SNX14: variants seen among roughly 807,000 people sequenced by gnomAD.
SNX14 encodes sorting nexin-14.
In SNX14, 93 loss-of-function variants were observed where a neutral mutation model predicts 133.8. That is an observed-to-expected ratio of 0.70 (90% CI 0.59 to 0.83). SNX14 has a LOEUF of 0.83. SNX14 is among the 40% of genes least tolerant of loss of function. The pLI, the probability that SNX14 is intolerant of heterozygous loss-of-function variation, is 0.00. For synonymous variants in SNX14, 368 were observed against 365.6 expected, an observed-to-expected ratio of 1.01 and a Z score of -0.07; for missense variants, 945 against 1,094.9, an observed-to-expected ratio of 0.86 and a Z score of 1.93.
intron 16 of SNX14, among the ~76,000 whole-genome samples, chr6:85,538,078 T>C (rs1406759394): frequency 1.3e-5 from 2 of 152,156 alleles, no homozygotes; most frequent in African/African-American, 4.8e-5. Context: ...AAAAATTAAG[T>C]TATCTACTGA....
chr6:85,533,373 T>A (rs778138155), intron 18 of SNX14, among the ~76,000 whole-genome samples: 1 of 152,250 alleles, frequency 6.6e-6, no homozygotes, highest in Non-Finnish European at 1.5e-5. Context: ...GTCAGGTGTC[T>A]AGCAGGCATC....
intron 17 of SNX14, among the ~76,000 whole-genome samples, chr6:85,536,390 A>G (rs1298829665): frequency 6.6e-6 from 1 of 152,226 alleles, no homozygotes; most frequent in African/African-American, 2.4e-5. Flanking sequence ...CTGCTTGTCA[A>G]CAGACTGTAG....
chr6:85,525,863 A>G (rs1429631057), intron 21 of SNX14, among the ~76,000 whole-genome samples: 1 of 152,144 alleles, frequency 6.6e-6, no homozygotes, highest in Non-Finnish European at 1.5e-5. Flanking sequence ...TACTTTTCTT[A>G]TATTTAAATT....
intron 1 of SNX14, 52 bp downstream of exon 1, chr6:85,593,527 G>C: frequency 6.4e-7 from 1 of 1,567,226 alleles, no homozygotes; most frequent in Admixed American, 1.9e-5. Flanking sequence ...CGGGCCGGGC[G>C]TCTGCACCTT....
intron 21 of SNX14, among the ~76,000 whole-genome samples, chr6:85,523,448 A>G (rs1175198114): frequency 1.3e-5 from 2 of 152,192 alleles, no homozygotes; most frequent in Non-Finnish European, 2.9e-5. Flanking sequence ...GTTAGACACC[A>G]AATAGGAAAA....
At position 85,547,528 on chromosome 6, in the gene SNX14, A is replaced by G. The variant is rs1012034783; in HGVS notation, c.890T>C (p.Ile297Thr). Residue 297 changes from isoleucine (I) to threonine (T), a missense_variant, in exon 10 of 29, where the codon ATC becomes ACC. By Grantham distance (89) the Ile-to-Thr change is moderately conservative. Coordinates refer to ENST00000314673, the MANE Select transcript of SNX14 (RefSeq NM_153816.6). The part of the protein sequence containing the change: ...ADPDTVNHLL[I>T]IFIDDSPPEK... ...CACTGGACTGTCATCTATGAAGATG[A>G]TAAGCAAATGATTCACAGTATCCTA... 9 of 1,603,770 alleles carry G rather than the reference A, an allele frequency of 5.6e-6. No individual in the cohort carries two copies. Among genetic ancestry groups the G allele is most frequent in the Non-Finnish European group, 7.6e-6 (9 of 1,176,790 alleles).
chr6:85,508,762 C>T (rs547739901), intron 26 of SNX14, among the ~76,000 whole-genome samples: 1 of 152,150 alleles, frequency 6.6e-6, no homozygotes, highest in African/African-American at 2.4e-5. Context: ...CCACTGATAT[C>T]AATTCTGTTA....
intron 26 of SNX14, among the ~76,000 whole-genome samples, chr6:85,511,969 AG>A (rs149423761): frequency 0.018 from 2,743 of 152,230 alleles, 80 homozygotes; most frequent in African/African-American, 0.062. Flanking sequence ...TAGTCCTAGG[AG>A]GGGGTCTCAA....
chr6:85,585,982 C>A (rs537393775), intron 1 of SNX14, among the ~76,000 whole-genome samples: 1 of 148,296 alleles, frequency 6.7e-6, no homozygotes, highest in Non-Finnish European at 1.5e-5. Flanking sequence ...CACCACTCCC[C>A]GCAACAGGAA....
Position 85,548,318 on chromosome 6 carries a change from C to A in SNX14, c.850G>T (p.Asp284Tyr). The A allele has an allele frequency of 6.2e-7, 1 of 1,606,620 alleles. No homozygotes were observed. The highest frequency in any genetic ancestry group is 8.5e-7 in the Non-Finnish European group (1 of 1,177,616). Reference protein sequence around the residue: ...LSGSVFLPSLDFLADPDTVNH... With the variant: ...LSGSVFLPSLYFLADPDTVNH... ...AGTCTTACTGGATCAGCTAGGAAAT[C>A]CAAAGAAGGAAGGAACACAGAGCCA... The change falls in exon 9 of 29, where the codon GAT becomes TAT. Residue 284 changes from aspartate to tyrosine, a missense_variant. Physicochemically the swap from Asp to Tyr is radical, Grantham distance 160. This residue lies in a region of SNX14 where 514 missense variants were observed against 538.8 expected (regional missense o/e 0.95). Transcript: ENST00000314673.
chr6:85,563,447 A>G (rs979531754), intron 6 of SNX14, among the ~76,000 whole-genome samples: 2 of 152,176 alleles, frequency 1.3e-5, no homozygotes, highest in African/African-American at 2.4e-5. Context: ...GCTGGAATGC[A>G]ATGGCACGAT....
At position 85,558,021 on chromosome 6, in the gene SNX14, C is replaced by CT. The variant is rs776121716; in HGVS notation, c.588dup (p.Ala197SerfsTer11). 3 of 1,593,946 alleles carry CT rather than the reference C, an allele frequency of 1.9e-6. No homozygotes were observed. Among genetic ancestry groups the CT allele is most frequent in the Non-Finnish European group, 2.6e-6 (3 of 1,164,814 alleles). On this transcript the variant is annotated frameshift_variant, in exon 7 of 29. Transcript: ENST00000314673. LOFTEE classifies it high-confidence loss of function. Reference sequence around the variant, plus strand: ...ATCACTTCTATATGCTTCATTGCTGCTTTTAATAGTTTCTTGGTTATAATA... The same window carrying CT: ...ATCACTTCTATATGCTTCATTGCTGCTTTTTAATAGTTTCTTGGTTATAATA...
intron 5 of SNX14, among the ~76,000 whole-genome samples, chr6:85,567,115 A>T (rs901090528): frequency 3.3e-5 from 5 of 152,234 alleles, no homozygotes; most frequent in Admixed American, 2.0e-4. Context: ...AAAATTATTA[A>T]ATCACTACAT....
At chr6:85,517,351 T>G (rs940059063) in intron 23 of SNX14, among the ~76,000 whole-genome samples, 2 of 152,210 alleles carry the variant, frequency 1.3e-5, no homozygotes, top group Admixed American at 6.5e-5. Flanking sequence ...CACTCAATCG[T>G]AGGCATGTAA....
At chr6:85,563,184 A>G (rs1195198711) in intron 6 of SNX14, among the ~76,000 whole-genome samples, 1 of 151,942 alleles carries the variant, frequency 6.6e-6, no homozygotes, top group African/African-American at 2.4e-5. Context: ...TTCACTTCTC[A>G]GATAGGTATA....
At chr6:85,538,266 A>G (rs1193202886) in intron 16 of SNX14, among the ~76,000 whole-genome samples, 1 of 151,420 alleles carries the variant, frequency 6.6e-6, no homozygotes, top group African/African-American at 2.4e-5. Context: ...ACATACAATT[A>G]GGGTTTTTTT....
rs1036523224 is a variant in SNX14 at position 85,593,777 on chromosome 6, C to G, written c.-59G>C. 2.5e-6 allele frequency: 4 copies of G among 1,586,360 alleles called. No homozygotes were observed. The highest frequency in any genetic ancestry group is 2.8e-5 in the African/African-American group (2 of 72,094). The stretch of plus-strand genomic sequence containing the variant: ...GCTGAGGCAGAGGTCAAGGCGACCC[C>G]CCATCCACACCTCGCGTCCCCGCCC... On this transcript the variant is annotated 5_prime_UTR_variant, in exon 1 of 29. Coordinates refer to ENST00000314673, the MANE Select transcript of SNX14 (RefSeq NM_153816.6).
At chr6:85,586,685 T>A (rs1217567188) in intron 1 of SNX14, among the ~76,000 whole-genome samples, 2 of 152,092 alleles carry the variant, frequency 1.3e-5, no homozygotes, top group African/African-American at 4.8e-5. Context: ...GCTCCAGGAA[T>A]CCTCCCACCT....
intron 12 of SNX14, among the ~76,000 whole-genome samples, chr6:85,545,924 C>A (rs1308417151): frequency 6.6e-6 from 1 of 152,332 alleles, no homozygotes; most frequent in Admixed American, 6.5e-5. Context: ...TTCAAGTGAT[C>A]CACCTGCCTC....
Sources: gnomAD v4.1 joint callset for allele counts (sites outside exome capture counted in the v4.1 genomes callset) on GRCh38, gnomAD v4.1.1 for gene constraint, gnomAD v4.1.1 regional missense constraint, MANE v1.5 for transcripts, NCBI Gene and HGNC (gene_info 2026-07-23, HGNC 2026-07-21) for gene names.